Variants in PARD3B observed in about 807,000 individuals in gnomAD.
The protein encoded by PARD3B is partitioning defective 3 homolog B.
In PARD3B, 103 loss-of-function variants were observed where a neutral mutation model predicts 130.2. The observed-to-expected ratio is 0.79, with a 90% confidence interval of 0.67 to 0.93. The LOEUF (loss-of-function observed/expected upper bound fraction) is 0.93, where lower values mean the gene tolerates loss of function less well. PARD3B is among the 40% of genes least tolerant of loss of function. PARD3B has a pLI of 0.00. For synonymous variants in PARD3B, 583 were observed against 553.2 expected, an observed-to-expected ratio of 1.05 and a Z score of -0.76; for missense variants, 1,609 against 1,499.2, an observed-to-expected ratio of 1.07 and a Z score of -1.21.
intron 18 of PARD3B, among the ~76,000 whole-genome samples, chr2:205,327,690 T>C (rs892339735): frequency 6.6e-6 from 1 of 152,200 alleles, no homozygotes; most frequent in African/African-American, 2.4e-5. Flanking sequence ...ACTCAACTGC[T>C]CATTTTCCTT....
In PARD3B at chr2:204,860,855, T is replaced by G. The variant is rs79253136; in HGVS notation, c.223-104297T>G. 4.6e-5 allele frequency among the ~76,000 whole-genome samples: 7 copies of G among 152,342 alleles called. No homozygotes were observed. In the East Asian group the frequency reaches 1.3e-3, roughly 29 times the overall value. On this transcript the variant is annotated intron_variant, in intron 2 of 22. Coordinates refer to ENST00000406610, the MANE Select transcript of PARD3B (RefSeq NM_001302769.2). ...TAAAAAAAAATCTTTATTGAAGACC[T>G]TATTTCCCAGGCTTCATATGTGCAG...
At position 205,260,557 on chromosome 2, in the gene PARD3B, A is replaced by C. The variant is rs1441925062; in HGVS notation, c.2185+14735A>C. ...GAGAATCTTGGGGAGCCTGATTTGC[A>C]TGTGCTTTTCTTCAGAGAGGATTTA... On this transcript the variant is annotated intron_variant, in intron 16 of 22. Coordinates refer to ENST00000406610, the MANE Select transcript of PARD3B (RefSeq NM_001302769.2). Among the ~76,000 whole-genome samples the C allele has an allele frequency of 3.3e-5, 5 of 152,078 alleles. No individual in the cohort carries two copies. In the South Asian group the frequency reaches 8.3e-4, roughly 25 times the overall value.
At chr2:205,342,744 TA>T (rs1248118222) in intron 18 of PARD3B, among the ~76,000 whole-genome samples, 1 of 152,194 alleles carries the variant, frequency 6.6e-6, no homozygotes, top group African/African-American at 2.4e-5. Flanking sequence ...AAACGTGTCC[TA>T]AAATACCTTA....
intron 20 of PARD3B, among the ~76,000 whole-genome samples, chr2:205,475,227 T>C (rs1036422182): frequency 6.6e-6 from 1 of 152,118 alleles, no homozygotes; most frequent in Non-Finnish European, 1.5e-5. Context: ...TCACAGTAGA[T>C]TGTGAAAGAA....
At chr2:205,199,972 T>TA (rs1331195840) in intron 15 of PARD3B, among the ~76,000 whole-genome samples, 3,738 of 144,942 alleles carry the variant, frequency 0.026, 113 homozygotes, top group African/African-American at 0.073. Flanking sequence ...TTTGTGAAAT[T>TA]AAAAAAAAAA....
chr2:205,024,281 C>T (rs1196351139), intron 3 of PARD3B, among the ~76,000 whole-genome samples: 1 of 149,756 alleles, frequency 6.7e-6, no homozygotes, highest in South Asian at 2.1e-4. Context: ...GATTCTCCTG[C>T]CTCAGCCTCC....
chr2:205,076,934 A>G (rs1173147670), intron 4 of PARD3B, among the ~76,000 whole-genome samples: 1 of 152,136 alleles, frequency 6.6e-6, no homozygotes, highest in Non-Finnish European at 1.5e-5. Context: ...TGAGTAAACT[A>G]CTATTTCCTA....
chr2:204,994,409 C>T (rs1182463615), intron 3 of PARD3B, among the ~76,000 whole-genome samples: 6 of 116,906 alleles, frequency 5.1e-5, no homozygotes, highest in Non-Finnish European at 8.8e-5. Context: ...ATTCTTAATC[C>T]TGAGTTCTAG....
chr2:204,571,904 G>A lies in PARD3B; in HGVS notation c.120+25785G>A, dbSNP rs13397135. The stretch of plus-strand genomic sequence containing the variant: ...ATGTGTGTGTGTAATTATTATTGCC[G>A]TGGCTACATGTAAATGTGACTTAAA... On this transcript the variant is annotated intron_variant, in intron 1 of 22. Transcript: ENST00000406610. Among the ~76,000 whole-genome samples the A allele has an allele frequency of 7.9e-3, 1,208 of 152,214 alleles. 16 individuals are homozygous for A. The highest frequency in any genetic ancestry group is 0.027 in the African/African-American group (1,124 of 41,526).
chr2:205,440,487 T>C lies in PARD3B; in HGVS notation c.2859T>C (p.Tyr953=), dbSNP rs371854337. The C allele has an allele frequency of 1.2e-4, 197 of 1,614,144 alleles. 1 individual carries two copies. The South Asian group carries it at 2.1e-3, about 17-fold the overall frequency. ...ATGATGATGAAATGGACCCCAATTATGCCAGAGTGAACCACTTTCGGGAAC... is the reference window on the plus strand; with the variant it reads ...ATGATGATGAAATGGACCCCAATTACGCCAGAGTGAACCACTTTCGGGAAC... ...DMDDDEMDPN[Y]ARVNHFREPC... is the part of the protein sequence containing the mutation. The change falls in exon 20 of 23, where the codon TAT becomes TAC. Residue 953 remains tyrosine (Y), a synonymous_variant. Transcript: ENST00000406610. This position sits in a 1 kb window ranked among gnomAD's most constrained non-coding sequence, Gnocchi z 4.2.
intron 2 of PARD3B, among the ~76,000 whole-genome samples, chr2:204,749,639 A>G (rs1329035307): frequency 2.0e-5 from 3 of 152,148 alleles, no homozygotes; most frequent in Non-Finnish European, 4.4e-5. Context: ...TCTGAATTAT[A>G]TTTCTCCTTG....
intron 3 of PARD3B, among the ~76,000 whole-genome samples, chr2:205,019,142 C>A (rs965106282): frequency 5.3e-5 from 8 of 152,254 alleles, no homozygotes; most frequent in South Asian, 4.1e-4. Context: ...AATTTCCCTA[C>A]TGTCCAGCCC....
intron 18 of PARD3B, among the ~76,000 whole-genome samples, chr2:205,370,674 G>T (rs1404472889): frequency 3.3e-5 from 5 of 152,188 alleles, no homozygotes; most frequent in African/African-American, 4.8e-5. Flanking sequence ...GCAGTAGAGG[G>T]GAACCTATAT....
intron 16 of PARD3B, among the ~76,000 whole-genome samples, chr2:205,298,936 A>G (rs1199640571): frequency 6.6e-6 from 1 of 152,180 alleles, no homozygotes; most frequent in Non-Finnish European, 1.5e-5. Context: ...TAGACAAGTT[A>G]TGTCAATGCT....
At chr2:204,728,869 T>C (rs2039361535) in intron 2 of PARD3B, among the ~76,000 whole-genome samples, 2 of 152,120 alleles carry the variant, frequency 1.3e-5, no homozygotes, top group Non-Finnish European at 2.9e-5. Context: ...CTGAAGATGC[T>C]CAGAGAGACA....
intron 15 of PARD3B, among the ~76,000 whole-genome samples, chr2:205,221,332 G>T (rs78100908): frequency 6.6e-5 from 10 of 152,138 alleles, no homozygotes; most frequent in African/African-American, 2.4e-4. Flanking sequence ...ATGTACCACC[G>T]GCTCTCCGTA....
At chr2:205,117,108 A>C (rs368853219) in intron 6 of PARD3B, among the ~76,000 whole-genome samples, 39 of 152,338 alleles carry the variant, frequency 2.6e-4, no homozygotes, top group African/African-American at 8.7e-4. Context: ...CTAATGAATC[A>C]AGTTATTGTG....
At chr2:204,652,724 T>C (rs187327397) in intron 1 of PARD3B, among the ~76,000 whole-genome samples, 80 of 151,824 alleles carry the variant, frequency 5.3e-4, no homozygotes, top group Admixed American at 1.8e-3. Context: ...TACCTGAGAC[T>C]GGGTAATTTA....
In PARD3B at chr2:205,407,733, A is replaced by C. The variant is rs561814674; in HGVS notation, c.2741+6610A>C. On this transcript the variant is annotated intron_variant, in intron 19 of 22. Transcript: ENST00000406610. The surrounding 1 kb of genome is among the most constrained non-coding windows in gnomAD (Gnocchi z 4.1). ...AGAAAAATATCTCCACTGACACCAA[A>C]GACTGTCTTCCATTGAAGTCCCATA... Among the ~76,000 whole-genome samples the C allele has an allele frequency of 1.1e-4, 17 of 152,260 alleles. No homozygotes were observed. In the East Asian group the frequency reaches 2.9e-3, roughly 26 times the overall value.
Sources: allele counts gnomAD v4.1 joint callset (sites outside exome capture counted in the v4.1 genomes callset), GRCh38; gene constraint gnomAD v4.1.1; non-coding constraint Gnocchi (gnomAD v3.1); transcripts MANE v1.5; gene names NCBI Gene and HGNC (gene_info 2026-07-23, HGNC 2026-07-21).